Variants in HEXD observed in about 807,000 individuals in gnomAD.
The protein encoded by HEXD is hexosaminidase D, also known as N-acetyl-beta-galactosaminidase.
HEXD carries 47 observed loss-of-function variants against 54.2 expected under a neutral mutation model. The observed-to-expected ratio is 0.87, with a 90% CI of 0.69 to 1.11. The LOEUF is 1.11. Among genes scored for constraint, HEXD ranks in the 50% least tolerant of loss-of-function variants. HEXD has a pLI of 0.00. For missense variants in HEXD, 576 were observed against 649.2 expected, an observed-to-expected ratio of 0.89 and a Z score of 1.23; for synonymous variants, 293 against 287.6, an observed-to-expected ratio of 1.02 and a Z score of -0.19.
chr17:82,425,023 AGAGAAGGCTGGAGGAGGCTG>A (rs2053361230), intron 3 of HEXD, among the ~76,000 whole-genome samples: 1 of 147,302 alleles, frequency 6.8e-6, no homozygotes, highest in South Asian at 2.2e-4. Flanking sequence ...GGAGGAGGCT[AGAGAAGGCTGGAGGAGGCTG>A]GAGGAGGCCA....
Position 82,441,783 on chromosome 17 carries a change from A to G in HEXD, c.1164-17A>G, listed in dbSNP as rs2053985080. Reference sequence around the variant, plus strand: ...CCTTGGTAGCCCGCGGCACACCCCTATGTGGATTTGCCCCAGGTATGTCAC... The same window carrying G: ...CCTTGGTAGCCCGCGGCACACCCCTGTGTGGATTTGCCCCAGGTATGTCAC... On this transcript the variant is annotated splice_polypyrimidine_tract_variant and intron_variant, in intron 11 of 12. Transcript: ENST00000327949. 2 of 1,610,850 alleles carry G rather than the reference A, an allele frequency of 1.2e-6. No individual in the cohort carries two copies. Among genetic ancestry groups the G allele is most frequent in the South Asian group, 1.1e-5 (1 of 91,046 alleles).
chr17:82,442,402 G>C lies in HEXD; in HGVS notation c.*18G>C. 1 of 1,609,082 alleles carries C rather than the reference G, an allele frequency of 6.2e-7. No homozygotes were observed. The highest frequency in any genetic ancestry group is 8.5e-7 in the Non-Finnish European group (1 of 1,177,012). ...ACCCCTGAGGGGAGAGCTCATGCCAGGGGGCTCCTGCTGGAGGCTGGGGGG... is the reference window on the plus strand; with the variant it reads ...ACCCCTGAGGGGAGAGCTCATGCCACGGGGCTCCTGCTGGAGGCTGGGGGG... On this transcript the variant is annotated 3_prime_UTR_variant, in exon 13 of 13. Transcript: ENST00000327949. This position sits in a 1 kb window ranked among gnomAD's most constrained non-coding sequence, Gnocchi z 6.8.
chr17:82,437,374 G>C lies in HEXD; in HGVS notation c.899+11G>C. ...GACCGGCTGGCAGAGGTAAGTCCTG[G>C]CCAGTCTGTCCTCAGAGGGTCCAGG... On this transcript the variant is annotated intron_variant, in intron 8 of 12. Transcript: ENST00000327949. 1 of 1,577,748 alleles carries C rather than the reference G, an allele frequency of 6.3e-7. No individual in the cohort carries two copies. Among genetic ancestry groups the C allele is most frequent in the Non-Finnish European group, 8.6e-7 (1 of 1,160,052 alleles).
chr17:82,437,561 G>T (rs996046125), intron 8 of HEXD, among the ~76,000 whole-genome samples, 198 bp downstream of exon 8: 1 of 152,244 alleles, frequency 6.6e-6, no homozygotes, highest in East Asian at 1.9e-4. Flanking sequence ...CGCTGCTCCC[G>T]TGTTCAGGGT....
intron 11 of HEXD, 104 bp downstream of exon 11, chr17:82,441,370 AGGTGCAGGTGAGCGGGCAGGCAT>A: frequency 9.6e-7 from 1 of 1,042,952 alleles, no homozygotes; most frequent in South Asian, 1.6e-5. Context: ...GGTGAGGGGC[AGGTGCAGGTGAGCGGGCAGGCAT>A]GGGGCAGGTG....
chr17:82,424,384 T>G lies in HEXD; in HGVS notation c.85-10T>G. 6.2e-7 allele frequency: 1 copy of G among 1,600,832 alleles called. No individual in the cohort carries two copies. The highest frequency in any genetic ancestry group is 8.6e-7 in the Non-Finnish European group (1 of 1,167,918). Reference sequence around the variant, plus strand: ...CACTTCTTCCTAACCCCTCCCTGTTTACCCCCCAGATTTTTCCTCTGTTCC... The same window carrying G: ...CACTTCTTCCTAACCCCTCCCTGTTGACCCCCCAGATTTTTCCTCTGTTCC... On this transcript the variant is annotated splice_polypyrimidine_tract_variant and intron_variant, in intron 2 of 12. Transcript: ENST00000327949.
Position 82,419,759 on chromosome 17 carries a change from C to G in HEXD, c.-41C>G. On this transcript the variant is annotated 5_prime_UTR_variant, in exon 2 of 13. Coordinates refer to ENST00000327949, the MANE Select transcript of HEXD (RefSeq NM_001330542.2). ...GATTTTCTCCACTAGGAAGAAGTCC[C>G]CAAGGAGACTTCGCCATAGGAGTTC... 1 of 1,347,324 alleles carries G rather than the reference C, an allele frequency of 7.4e-7. No homozygotes were observed. Among genetic ancestry groups the G allele is most frequent in the Non-Finnish European group, 1.1e-6 (1 of 941,436 alleles). 83.5% of individuals were successfully genotyped at this position (1,347,324 alleles called of 1,614,324 possible). A position where few individuals can be genotyped will look rare whatever the true frequency, so the allele number is the denominator to read the frequency against.
At position 82,441,887 on chromosome 17, in the gene HEXD, C is replaced by T; in HGVS notation, c.1251C>T (p.Leu417=). 2 of 1,613,036 alleles carry T rather than the reference C, an allele frequency of 1.2e-6. No individual in the cohort carries two copies. The highest frequency in any genetic ancestry group is 1.7e-6 in the Non-Finnish European group (2 of 1,179,904). Reference sequence around the variant, plus strand: ...TTCAGCACATCCAGCCCGCAGCGCTCAGGTGAGGCCCTGGGCTCTTATAGG... The same window carrying T: ...TTCAGCACATCCAGCCCGCAGCGCTTAGGTGAGGCCCTGGGCTCTTATAGG... ...VMVQHIQPAA[L]SLLAQWSTLV... Residue 417 remains leucine (L), a splice_region_variant and synonymous_variant, in exon 12 of 13, where the codon CTC becomes CTT. Coordinates refer to ENST00000327949, the MANE Select transcript of HEXD (RefSeq NM_001330542.2).
At position 82,442,338 on chromosome 17, in the gene HEXD, C is replaced by CG. The variant is rs1567900913; in HGVS notation, c.1416dup (p.Leu473AlafsTer71). The CG allele has an allele frequency of 6.2e-7, 1 of 1,610,816 alleles. No individual in the cohort carries two copies. Among genetic ancestry groups the CG allele is most frequent in the East Asian group, 2.2e-5 (1 of 44,878 alleles). Reference sequence around the variant, plus strand: ...GACCTCAGCGAGGTGTCTGCCCCCCCGCTGCCACCCACCAGCCCTGGCAGG... The same window carrying CG: ...GACCTCAGCGAGGTGTCTGCCCCCCCGGCTGCCACCCACCAGCCCTGGCAGG... On this transcript the variant is annotated frameshift_variant, in exon 13 of 13. Coordinates refer to ENST00000327949, the MANE Select transcript of HEXD (RefSeq NM_001330542.2). LOFTEE classifies it low-confidence loss of function (END_TRUNC). This position sits in a 1 kb window ranked among gnomAD's most constrained non-coding sequence, Gnocchi z 6.8.
Position 82,418,396 on chromosome 17 carries a change from C to G in HEXD, c.-396C>G, listed in dbSNP as rs950581829. On this transcript the variant is annotated 5_prime_UTR_variant, in exon 1 of 13. Coordinates refer to ENST00000327949, the MANE Select transcript of HEXD (RefSeq NM_001330542.2). ...TCCGCCGCCGCAGCGCGCGCCCTTCCCCTCCTCACCGCTACCTGCTCCGGT... is the reference window on the plus strand; with the variant it reads ...TCCGCCGCCGCAGCGCGCGCCCTTCGCCTCCTCACCGCTACCTGCTCCGGT... 2 of 1,472,800 alleles carry G rather than the reference C, an allele frequency of 1.4e-6. No homozygotes were observed. The highest frequency in any genetic ancestry group is 9.0e-7 in the Non-Finnish European group (1 of 1,115,644). The allele number at this position is 1,472,800 out of a possible 1,614,324, so 91.2% of individuals were successfully genotyped here.
Position 82,424,215 on chromosome 17 carries a change from G to C in HEXD, c.85-179G>C, listed in dbSNP as rs560828768. Among the ~76,000 whole-genome samples, 38 of 152,314 alleles carry C rather than the reference G, an allele frequency of 2.5e-4. 1 individual carries two copies. The highest frequency in any genetic ancestry group is 8.9e-4 in the African/African-American group (37 of 41,554). The stretch of plus-strand genomic sequence containing the variant: ...CTGTGCAAAATAGTCACTGGAACGG[G>C]GAGTTTCATTTGGCATAACGTAAAG... On this transcript the variant is annotated intron_variant, in intron 2 of 12. Coordinates refer to ENST00000327949, the MANE Select transcript of HEXD (RefSeq NM_001330542.2).
chr17:82,424,642 G>T (rs1476060853), intron 3 of HEXD, 139 bp downstream of exon 3: 7 of 579,920 alleles, frequency 1.2e-5, no homozygotes, highest in Non-Finnish European at 1.8e-5. Flanking sequence ...TTCCTTTTTT[G>T]TCTTTTTAAA....
In HEXD at chr17:82,442,528, G is replaced by A. The variant is rs2054026952; in HGVS notation, c.*144G>A. ...CCACACTCAGTTCCTGAGGGCCCTG[G>A]GCAGCCCCTGGGGGAGAGACTAGAA... On this transcript the variant is annotated 3_prime_UTR_variant, in exon 13 of 13. Transcript: ENST00000327949. This position sits in a 1 kb window ranked among gnomAD's most constrained non-coding sequence, Gnocchi z 6.8. 1 of 1,591,148 alleles carries A rather than the reference G, an allele frequency of 6.3e-7. No homozygotes were observed. Among genetic ancestry groups the A allele is most frequent in the Admixed American group, 1.7e-5 (1 of 59,666 alleles).
At position 82,418,722 on chromosome 17, in the gene HEXD, C is replaced by T. The variant is rs542550604; in HGVS notation, c.-70C>T. 1.4e-3 allele frequency: 218 copies of T among 155,044 alleles called. 1 individual carries two copies. The highest frequency in any genetic ancestry group is 2.4e-3 in the Non-Finnish European group (169 of 70,340). 9.6% of individuals were successfully genotyped at this position (155,044 alleles called of 1,614,324 possible). On this transcript the variant is annotated 5_prime_UTR_variant, in exon 1 of 13. Transcript: ENST00000327949. ...GGCCTGGCTGCGCCCCCGGACCTCG[C>T]GGGACCGCGGCGGCGCAGGTGAGGT...
At chr17:82,433,128 A>ATTTTTTTTTT (rs758489285) in intron 4 of HEXD, among the ~76,000 whole-genome samples, 2 of 13,072 alleles carry the variant, frequency 1.5e-4, no homozygotes, top group African/African-American at 7.6e-4. Flanking sequence ...ATATATATAT[A>ATTTTTTTTTT]TTTTTTTTTT....
chr17:82,430,213 A>C (rs1403779193), intron 4 of HEXD, among the ~76,000 whole-genome samples: 1 of 152,184 alleles, frequency 6.6e-6, no homozygotes, highest in Admixed American at 6.5e-5. Flanking sequence ...CACACTCGCC[A>C]TCTCCTCAAA....
chr17:82,432,025 C>A (rs180779753), intron 4 of HEXD, among the ~76,000 whole-genome samples: 69 of 152,270 alleles, frequency 4.5e-4, no homozygotes, highest in Non-Finnish European at 6.3e-4. Context: ...TTTTTTGGTT[C>A]TTATTTTTAC....
intron 4 of HEXD, among the ~76,000 whole-genome samples, chr17:82,432,759 G>A (rs983350942): frequency 4.6e-5 from 7 of 151,750 alleles, no homozygotes; most frequent in East Asian, 2.0e-4. Flanking sequence ...TTCTTAAACC[G>A]ATTTGGTTTT....
intron 8 of HEXD, among the ~76,000 whole-genome samples, chr17:82,439,259 AG>A (rs1272052013): frequency 6.6e-6 from 1 of 152,106 alleles, no homozygotes; most frequent in Non-Finnish European, 1.5e-5. Context: ...AGGCCCTAGG[AG>A]GGGGGCGTCA....
Sources: gnomAD v4.1 joint callset for allele counts (sites outside exome capture counted in the v4.1 genomes callset) on GRCh38, gnomAD v4.1.1 for gene constraint, Gnocchi (gnomAD v3.1) non-coding constraint, MANE v1.5 for transcripts, NCBI Gene and HGNC (gene_info 2026-07-23, HGNC 2026-07-21) for gene names.